Variants in TMLHE observed in about 807,000 individuals in gnomAD.
The protein encoded by TMLHE is trimethyllysine hydroxylase, epsilon, also known as trimethyllysine dioxygenase, mitochondrial.
Under a neutral mutation model 25.7 loss-of-function variants are expected in TMLHE, and 18 were observed. The observed-to-expected ratio is 0.70, with a 90% confidence interval of 0.48 to 1.04. The LOEUF (loss-of-function observed/expected upper bound fraction) is 1.04. TMLHE is among the 50% of genes least tolerant of loss of function. The pLI is 0.00. For missense variants in TMLHE, 236 were observed against 259.0 expected, an observed-to-expected ratio of 0.91 and a Z score of 0.61; for synonymous variants, 105 against 97.0, an observed-to-expected ratio of 1.08 and a Z score of -0.49.
rs201792829 is a variant in TMLHE at position 155,571,206 on chromosome X, C to T, written c.-1-25929G>A. Among the ~76,000 whole-genome samples, 2 of 57,259 alleles carry T rather than the reference C, an allele frequency of 3.5e-5. 1 individual carries two copies. The highest frequency in any genetic ancestry group is 1.4e-3 in the East Asian group (2 of 1,408). The allele number at this position is 57,259 out of a possible 115,157, so 49.7% of individuals were successfully genotyped here. ...TACCATCAGAGAATACTACAAACAC[C>T]TCTACACAAATAAACTAGAAAATCT... is the stretch of plus-strand genomic sequence containing the variant. On this transcript the variant is annotated intron_variant, in intron 1 of 7. Transcript: ENST00000334398.
At chrX:155,578,591 G>C (rs1402798935) in intron 1 of TMLHE, among the ~76,000 whole-genome samples, 2 of 112,045 alleles carry the variant, frequency 1.8e-5, no homozygotes, top group Non-Finnish European at 3.8e-5. Flanking sequence ...GGTTGTAGGA[G>C]GATGCCCCAT....
At chrX:155,550,703 C>T (rs2067408926) in intron 1 of TMLHE, among the ~76,000 whole-genome samples, 1 of 110,743 alleles carries the variant, frequency 9.0e-6, no homozygotes, top group Admixed American at 9.6e-5. Context: ...GGTGAGACTT[C>T]AGACAAGTGG....
intron 2 of TMLHE, among the ~76,000 whole-genome samples, chrX:155,535,007 G>C (rs1268282393): frequency 8.9e-6 from 1 of 111,925 alleles, no homozygotes; most frequent in Non-Finnish European, 1.9e-5. Context: ...TGAAGATACA[G>C]CAAGAAGGCA....
intron 1 of TMLHE, among the ~76,000 whole-genome samples, chrX:155,599,307 A>C (rs1012690443): frequency 8.9e-6 from 1 of 111,752 alleles, no homozygotes; most frequent in Non-Finnish European, 1.9e-5. Context: ...GTTTAAGGCA[A>C]GTATAATCTT....
At chrX:155,513,789 T>C (rs1197635576) in intron 4 of TMLHE, among the ~76,000 whole-genome samples, 197 bp downstream of exon 4, 4 of 111,417 alleles carry the variant, frequency 3.6e-5, no homozygotes, top group African/African-American at 9.8e-5. Context: ...GTCATCATTA[T>C]ATTTTACACA....
Position 155,545,201 on chromosome X carries a change from G to A in TMLHE, c.76C>T (p.Leu26Phe). Reference sequence around the variant, plus strand: ...AAGCTTTTGAAGTTGGGCTGTGGAAGGGCCGGATATATGACTCCTCCCTTC... The same window carrying A: ...AAGCTTTTGAAGTTGGGCTGTGGAAAGGCCGGATATATGACTCCTCCCTTC... ...LLKGGVIYPA[L>F]PQPNFKSLLP... The change falls in exon 2 of 8, where the codon CTT (leucine) becomes TTT (phenylalanine). Residue 26 changes from leucine (L) to phenylalanine (F), a missense_variant. Around this residue, in one of 2 missense-constraint regions of TMLHE, gnomAD observed 217 missense variants for 214.6 expected, o/e 1.01. Coordinates refer to ENST00000334398, the MANE Select transcript of TMLHE (RefSeq NM_018196.4). The A allele has an allele frequency of 8.3e-7, 1 of 1,210,262 alleles. No individual in the cohort carries two copies. Among genetic ancestry groups the A allele is most frequent in the Non-Finnish European group, 1.1e-6 (1 of 894,572 alleles).
At position 155,548,713 on chromosome X, in the gene TMLHE, C is replaced by T. The variant is rs782682934; in HGVS notation, c.-1-3436G>A. ...TTGTGCCACTGCACTCCAGCCTGGG[C>T]GACAGAGTGAGACTCTGTCTCAAAA... On this transcript the variant is annotated intron_variant, in intron 1 of 7. Coordinates refer to ENST00000334398, the MANE Select transcript of TMLHE (RefSeq NM_018196.4). 2.1e-3 allele frequency among the ~76,000 whole-genome samples: 215 copies of T among 104,808 alleles called. 2 individuals carry two copies. Among genetic ancestry groups the T allele is most frequent in the Non-Finnish European group, 2.6e-3 (132 of 51,678 alleles). The allele number at this position is 104,808 out of a possible 115,157, so 91.0% of individuals were successfully genotyped here. A position where few individuals can be genotyped will look rare whatever the true frequency, so the allele number is the denominator to read the frequency against.
At position 155,547,985 on chromosome X, in the gene TMLHE, C is replaced by G. The variant is rs186428112; in HGVS notation, c.-1-2708G>C. On this transcript the variant is annotated intron_variant, in intron 1 of 7. Coordinates refer to ENST00000334398, the MANE Select transcript of TMLHE (RefSeq NM_018196.4). ...TCCTCCCCCATTTCCCATAATCTCA[C>G]TACTCAAATGTTACCAGTTTCAATT... Among the ~76,000 whole-genome samples, 7 of 111,552 alleles carry G rather than the reference C, an allele frequency of 6.3e-5. No individual in the cohort carries two copies. The East Asian group carries it at 1.7e-3, about 27-fold the overall frequency.
chrX:155,560,101 C>G (rs914682623), intron 1 of TMLHE, among the ~76,000 whole-genome samples: 12 of 111,976 alleles, frequency 1.1e-4, no homozygotes, highest in South Asian at 3.7e-4. Context: ...TGAGGAGAGG[C>G]AAAGGTTTGA....
At position 155,562,525 on chromosome X, in the gene TMLHE, A is replaced by C. The variant is rs1244061734; in HGVS notation, c.-1-17248T>G. Among the ~76,000 whole-genome samples the C allele has an allele frequency of 9.7e-5, 6 of 61,949 alleles. 1 individual carries two copies. Among genetic ancestry groups the C allele is most frequent in the African/African-American group, 1.8e-4 (5 of 27,934 alleles). 53.8% of individuals were successfully genotyped at this position (61,949 alleles called of 115,157 possible). On this transcript the variant is annotated intron_variant, in intron 1 of 7. Transcript: ENST00000334398. ...ATTTGGCTTCTCTTTACTTATGGAA[A>C]TTTCTGCAGCAGGCTTGAATTTCTC...
chrX:155,548,531 T>G (rs781856271), intron 1 of TMLHE, among the ~76,000 whole-genome samples: 7 of 107,810 alleles, frequency 6.5e-5, no homozygotes, highest in Admixed American at 1.9e-4. Flanking sequence ...GTCAGCAGTA[T>G]GAGGCCAGCC....
chrX:155,585,888 TTAGAAATCAA>T (rs782126263), intron 1 of TMLHE, among the ~76,000 whole-genome samples: 81 of 111,404 alleles, frequency 7.3e-4, no homozygotes, highest in Non-Finnish European at 1.4e-3. Context: ...TGGAATAAAA[TTAGAAATCAA>T]TAGCAAGAAG....
At position 155,524,636 on chromosome X, in the gene TMLHE, G is replaced by C. The variant is rs1386014380; in HGVS notation, c.182-4C>G. The C allele has an allele frequency of 8.7e-7, 1 of 1,152,590 alleles. No individual in the cohort carries two copies. The highest frequency in any genetic ancestry group is 1.8e-5 in the African/African-American group (1 of 55,506). The allele number at this position is 1,152,590 out of a possible 1,213,427, so 95.0% of individuals were successfully genotyped here. On this transcript the variant is annotated splice_region_variant and splice_polypyrimidine_tract_variant and intron_variant, in intron 2 of 7. Transcript: ENST00000334398. ...ACGGTATTAGCATATTTCAGCTCTAGGGAAAAGATCACATTTATCAGAACT... is the reference window on the plus strand; with the variant it reads ...ACGGTATTAGCATATTTCAGCTCTACGGAAAAGATCACATTTATCAGAACT...
At chrX:155,574,184 G>A (rs1557343562) in intron 1 of TMLHE, among the ~76,000 whole-genome samples, 1 of 107,996 alleles carries the variant, frequency 9.3e-6, no homozygotes, top group Non-Finnish European at 1.9e-5. Context: ...ATTTAACAGG[G>A]ATATCCAGGT....
chrX:155,536,230 C>A (rs2067278331), intron 2 of TMLHE, among the ~76,000 whole-genome samples: 1 of 111,344 alleles, frequency 9.0e-6, no homozygotes. Flanking sequence ...TTCCTCTCTG[C>A]ATGCTTTGCA....
chrX:155,548,087 A>G (rs1329017698), intron 1 of TMLHE, among the ~76,000 whole-genome samples: 1 of 111,881 alleles, frequency 8.9e-6, no homozygotes, highest in Non-Finnish European at 1.9e-5. Context: ...ATATACAAAA[A>G]ATACAATCTA....
At chrX:155,549,613 A>G (rs1557339719) in intron 1 of TMLHE, among the ~76,000 whole-genome samples, 1 of 110,191 alleles carries the variant, frequency 9.1e-6, no homozygotes, top group African/African-American at 3.4e-5. Context: ...ACATTGTTGG[A>G]TTCAATATGC....
intron 1 of TMLHE, among the ~76,000 whole-genome samples, chrX:155,597,364 G>T (rs1182637763): frequency 9.0e-6 from 1 of 111,129 alleles, no homozygotes; most frequent in Non-Finnish European, 1.9e-5. Flanking sequence ...TGGAGAGGAT[G>T]TGGAGAAATA....
chrX:155,576,731 G>A (rs1388926077), intron 1 of TMLHE, among the ~76,000 whole-genome samples: 1 of 111,760 alleles, frequency 8.9e-6, no homozygotes, highest in Non-Finnish European at 1.9e-5. Flanking sequence ...GATCTTCAAT[G>A]AAGTTGACAA....
Sources: allele counts gnomAD v4.1 joint callset (sites outside exome capture counted in the v4.1 genomes callset), GRCh38; gene constraint gnomAD v4.1.1; regional missense constraint gnomAD v4.1.1; transcripts MANE v1.5; gene names NCBI Gene and HGNC (gene_info 2026-07-23, HGNC 2026-07-21).